The following TANC2 variants were observed in gnomAD, a reference collection of about 807,000 sequenced individuals.
TANC2 encodes protein TANC2.
TANC2 carries 26 observed loss-of-function variants against 210.5 expected under a neutral mutation model. The observed-to-expected ratio is 0.12, with a 90% confidence interval of 0.09 to 0.17. The LOEUF is 0.17. TANC2 is among the 10% of genes least tolerant of loss of function. The probability of loss-of-function intolerance (pLI) is 1.00; values close to 1 mark genes in which losing one functional copy is unlikely to be tolerated. For synonymous variants in TANC2, 931 were observed against 967.1 expected, an observed-to-expected ratio of 0.96 and a Z score of 0.69; for missense variants, 2,129 against 2,608.9, an observed-to-expected ratio of 0.82 and a Z score of 4.01.
At chr17:63,401,630 T>C (rs1252491313) in intron 19 of TANC2, among the ~76,000 whole-genome samples, 1 of 152,230 alleles carries the variant, frequency 6.6e-6, no homozygotes, top group Non-Finnish European at 1.5e-5. Context: ...CCAGATGTCA[T>C]CATCTTACAT....
chr17:63,236,435 A>G (rs2042622191), intron 7 of TANC2, among the ~76,000 whole-genome samples: 1 of 152,168 alleles, frequency 6.6e-6, no homozygotes, highest in African/African-American at 2.4e-5. Flanking sequence ...TATTCTTATT[A>G]TCTAATCATG....
At chr17:63,348,497 T>A (rs2046488527) in intron 12 of TANC2, among the ~76,000 whole-genome samples, 1 of 152,232 alleles carries the variant, frequency 6.6e-6, no homozygotes, top group Non-Finnish European at 1.5e-5. Context: ...AAGTTTTTAG[T>A]TAGTCCATGA....
intron 4 of TANC2, among the ~76,000 whole-genome samples, chr17:63,121,094 A>G (rs573590480): frequency 1.2e-4 from 18 of 152,278 alleles, no homozygotes. Context: ...GTTAGAGTCT[A>G]CATTAAGACA....
intron 2 of TANC2, among the ~76,000 whole-genome samples, chr17:63,032,000 G>A (rs2034789838): frequency 6.6e-6 from 1 of 152,136 alleles, no homozygotes; most frequent in Non-Finnish European, 1.5e-5. Flanking sequence ...GTGTAAAGAC[G>A]AAGTTGTGAG....
chr17:63,003,807 A>G (rs1332106907), intron 1 of TANC2, among the ~76,000 whole-genome samples: 2 of 152,038 alleles, frequency 1.3e-5, no homozygotes, highest in African/African-American at 2.4e-5. Flanking sequence ...ACCTCCAAAT[A>G]TATGTTTTTT....
chr17:62,983,381 A>AT (rs1206855409), intron 1 of TANC2, among the ~76,000 whole-genome samples: 10 of 151,814 alleles, frequency 6.6e-5, no homozygotes, highest in Non-Finnish European at 1.3e-4. Context: ...TTAATTTAAA[A>AT]TTTTTTTGCA....
intron 4 of TANC2, among the ~76,000 whole-genome samples, chr17:63,142,661 CT>C (rs1302674588): frequency 6.6e-6 from 1 of 151,870 alleles, no homozygotes; most frequent in Non-Finnish European, 1.5e-5. Flanking sequence ...TTAATTTGTG[CT>C]TTCCAAATTT....
intron 14 of TANC2, among the ~76,000 whole-genome samples, chr17:63,357,399 T>G (rs908895438): frequency 6.6e-6 from 1 of 152,258 alleles, no homozygotes; most frequent in African/African-American, 2.4e-5. Flanking sequence ...CATCGCATTT[T>G]AACTAGGAGT....
At chr17:63,066,994 G>T (rs1236727694) in intron 2 of TANC2, among the ~76,000 whole-genome samples, 2 of 152,098 alleles carry the variant, frequency 1.3e-5, no homozygotes, top group African/African-American at 4.8e-5. Flanking sequence ...TCATACCATG[G>T]ACTTTAGAAC....
intron 5 of TANC2, among the ~76,000 whole-genome samples, chr17:63,170,575 C>CGTGT (rs2040370533): frequency 6.6e-6 from 1 of 152,068 alleles, no homozygotes; most frequent in African/African-American, 2.4e-5. Flanking sequence ...TTTTAAATTG[C>CGTGT]ACACACATAC....
chr17:63,071,615 T>C (rs539255858), intron 2 of TANC2, among the ~76,000 whole-genome samples: 2 of 152,178 alleles, frequency 1.3e-5, no homozygotes, highest in Admixed American at 6.5e-5. Context: ...TTTAGTAGAA[T>C]GAATAGACAG....
At chr17:63,073,341 A>T (rs145164609) in intron 2 of TANC2, among the ~76,000 whole-genome samples, 1 of 152,216 alleles carries the variant, frequency 6.6e-6, no homozygotes, top group East Asian at 1.9e-4. Context: ...CTTAACATGC[A>T]TGAGGGAATA....
At chr17:63,364,206 A>G (rs1187409189) in intron 14 of TANC2, among the ~76,000 whole-genome samples, 1 of 152,218 alleles carries the variant, frequency 6.6e-6, no homozygotes, top group Admixed American at 6.5e-5. Flanking sequence ...AATATGTTCA[A>G]TTTGCCAACA....
At chr17:63,134,785 G>A (rs897879977) in intron 4 of TANC2, among the ~76,000 whole-genome samples, 1 of 152,094 alleles carries the variant, frequency 6.6e-6, no homozygotes, top group Non-Finnish European at 1.5e-5. Flanking sequence ...TTCAGTTACT[G>A]TGTTTTTTAC....
chr17:63,119,951 T>C (rs1598426673), intron 4 of TANC2, among the ~76,000 whole-genome samples: 1 of 151,754 alleles, frequency 6.6e-6, no homozygotes, highest in Non-Finnish European at 1.5e-5. Flanking sequence ...GCCTGGGAGG[T>C]TGAGGCTGCA....
intron 4 of TANC2, among the ~76,000 whole-genome samples, chr17:63,109,535 A>G (rs895280773): frequency 6.6e-6 from 1 of 151,754 alleles, no homozygotes; most frequent in South Asian, 2.1e-4. Flanking sequence ...AAGATCTCCA[A>G]GAGTCATCAG....
intron 1 of TANC2, among the ~76,000 whole-genome samples, chr17:62,971,151 G>A (rs2031670672): frequency 6.6e-6 from 1 of 151,934 alleles, no homozygotes; most frequent in Non-Finnish European, 1.5e-5. Context: ...ACTTGCATTA[G>A]ATGAAGACCG....
At chr17:63,180,235 T>A (rs184104059) in intron 5 of TANC2, among the ~76,000 whole-genome samples, 4 of 152,324 alleles carry the variant, frequency 2.6e-5, no homozygotes, top group Admixed American at 2.6e-4. Flanking sequence ...AGTAAAGTTG[T>A]TTGTGATTTG....
At chr17:63,005,893 AGTTTGTGTGTGTGT>A (rs2033600870) in intron 1 of TANC2, among the ~76,000 whole-genome samples, 2 of 121,114 alleles carry the variant, frequency 1.7e-5, no homozygotes, top group African/African-American at 3.0e-5. Context: ...CTGGCTGTAT[AGTTTGTGTGTGTGT>A]GTGTGTGTGT....
Sources: allele counts gnomAD v4.1 joint callset (sites outside exome capture counted in the v4.1 genomes callset), GRCh38; gene constraint gnomAD v4.1.1; transcripts MANE v1.5; gene names NCBI Gene and HGNC (gene_info 2026-07-23, HGNC 2026-07-21).